Variants in NUDT12 observed in about 807,000 individuals in gnomAD.
The protein encoded by NUDT12 is NAD-capped RNA hydrolase NUDT12.
In NUDT12, 42 loss-of-function variants were observed where a neutral mutation model predicts 45.7. That is an observed-to-expected ratio of 0.92 (90% CI 0.72 to 1.19). The LOEUF (loss-of-function observed/expected upper bound fraction) is 1.19, where lower values mean the gene tolerates loss of function less well. NUDT12 is among the 50% of genes most tolerant of loss of function. The probability of loss-of-function intolerance (pLI) is 0.00; values close to 1 mark genes in which losing one functional copy is unlikely to be tolerated. For synonymous variants in NUDT12, 206 were observed against 179.7 expected (o/e 1.15, Z -1.17); for missense variants, 590 against 533.1 (o/e 1.11, Z -1.05).
intron 3 of NUDT12, among the ~76,000 whole-genome samples, chr5:103,557,934 TAA>T: frequency 6.6e-6 from 1 of 152,176 alleles, no homozygotes; most frequent in South Asian, 2.1e-4. Context: ...TGTCCATTTC[TAA>T]AACTTAGTAT....
chr5:103,554,818 C>T lies in NUDT12; in HGVS notation c.1000G>A (p.Gly334Arg). The T allele has an allele frequency of 6.4e-7, 1 of 1,557,166 alleles. No individual in the cohort carries two copies. The highest frequency in any genetic ancestry group is 8.7e-7 in the Non-Finnish European group (1 of 1,145,538). The change falls in exon 5 of 7, where the codon GGG becomes AGG. Residue 334 changes from glycine to arginine, a missense_variant. Transcript: ENST00000230792. ...TGCCTGCCTAAAAGGCATTTGGTCC[C>T]ATCTGGATGAATAACTTGCATGATT... The part of the protein sequence containing the change: ...VVIMQVIHPD[G>R]TKCLLGRQKR...
At position 103,554,777 on chromosome 5, in the gene NUDT12, TG is replaced by T; in HGVS notation, c.1040del (p.Pro347GlnfsTer17). ...CLLGRQKRFP[P>X]GMFTCLAGFI... is the part of the protein sequence containing the mutation. ...ATCCAGCAAGGCAAGTAAACATGCCTGGGGGAAATCTTTTCTGCCTGCCTAA... is the reference window on the plus strand; with the variant it reads ...ATCCAGCAAGGCAAGTAAACATGCCTGGGGAAATCTTTTCTGCCTGCCTAA... On this transcript the variant is annotated frameshift_variant, in exon 5 of 7. Coordinates refer to ENST00000230792, the MANE Select transcript of NUDT12 (RefSeq NM_031438.4). LOFTEE classifies it high-confidence loss of function. The T allele has an allele frequency of 6.4e-7, 1 of 1,552,268 alleles. No individual in the cohort carries two copies. Among genetic ancestry groups the T allele is most frequent in the South Asian group, 1.2e-5 (1 of 82,690 alleles).
Position 103,559,156 on chromosome 5 carries a change from T to C in NUDT12, c.519A>G (p.Glu173=). ...TGTAGTTCAGCTGACAAAGCCTAAC[T>C]TCTGGCTGTTGGAAACTTTCTTTAT... ...GGNKESFQQP[E]VRLCQLNYTD... Residue 173 remains glutamate (E), a synonymous_variant, in exon 3 of 7, where the codon GAA becomes GAG. Coordinates refer to ENST00000230792, the MANE Select transcript of NUDT12 (RefSeq NM_031438.4). The C allele has an allele frequency of 6.4e-7, 1 of 1,564,246 alleles. No homozygotes were observed. The highest frequency in any genetic ancestry group is 1.2e-5 in the South Asian group (1 of 81,012).
intron 3 of NUDT12, among the ~76,000 whole-genome samples, chr5:103,557,280 G>GGTGTATATATATATATATAT (rs1491335747): frequency 1.7e-5 from 2 of 118,894 alleles, no homozygotes; most frequent in African/African-American, 6.1e-5. Context: ...ATCTTAAAAT[G>GGTGTATATATATATATATAT]ATATATATAT....
rs1748601307 is a variant in NUDT12, at chr5:103,549,994, C to T, written c.*867G>A. The T allele has an allele frequency of 2.0e-5, 3 of 151,990 alleles. No individual in the cohort carries two copies. The highest frequency in any genetic ancestry group is 2.0e-4 in the Admixed American group (3 of 15,232). The allele number at this position is 151,990 out of a possible 1,614,324, so 9.4% of individuals were successfully genotyped here. On this transcript the variant is annotated 3_prime_UTR_variant, in exon 7 of 7. Coordinates refer to ENST00000230792, the MANE Select transcript of NUDT12 (RefSeq NM_031438.4). ...CACTCATCACAAAATGAAATAAAGC[C>T]AATGTTTTAAATTAAATATGTAAAT...
At chr5:103,556,173 A>C in intron 3 of NUDT12, 75 bp from the exon 4 acceptor site, 1 of 1,052,288 alleles carries the variant, frequency 9.5e-7, no homozygotes, top group Non-Finnish European at 1.3e-6. Context: ...AAATGTTCTC[A>C]AGCTACAATA....
In NUDT12 at chr5:103,549,281, T is replaced by A. The variant is rs975586138; in HGVS notation, c.*1580A>T. The A allele has an allele frequency of 6.6e-6, 1 of 152,040 alleles. No homozygotes were observed. The highest frequency in any genetic ancestry group is 2.1e-4 in the South Asian group (1 of 4,830). The allele number at this position is 152,040 out of a possible 1,614,324, so 9.4% of individuals were successfully genotyped here. A position where few individuals can be genotyped will look rare whatever the true frequency, so the allele number is the denominator to read the frequency against. On this transcript the variant is annotated 3_prime_UTR_variant, in exon 7 of 7. Coordinates refer to ENST00000230792, the MANE Select transcript of NUDT12 (RefSeq NM_031438.4). ...AATTTTATTATGTATCTAAATGTCCTCTGTCAGTTTTAATTTGGTTTAAAT... is the reference window on the plus strand; with the variant it reads ...AATTTTATTATGTATCTAAATGTCCACTGTCAGTTTTAATTTGGTTTAAAT...
Position 103,555,923 on chromosome 5 carries a change from G to A in NUDT12, c.964+8C>T, listed in dbSNP as rs772043882. 1 of 1,520,408 alleles carries A rather than the reference G, an allele frequency of 6.6e-7. No individual in the cohort carries two copies. Among genetic ancestry groups the A allele is most frequent in the Admixed American group, 2.0e-5 (1 of 50,696 alleles). 94.2% of individuals were successfully genotyped at this position (1,520,408 alleles called of 1,614,324 possible). ...CCAGGTGGCTGAGATATAAAATAAA[G>A]GGCTTACCAACTCTTGGGTATGAGG... On this transcript the variant is annotated splice_region_variant and intron_variant, in intron 4 of 6. Transcript: ENST00000230792.
chr5:103,560,236 T>G lies in NUDT12; in HGVS notation c.13A>C (p.Lys5Gln), dbSNP rs1394633493. 1 of 1,612,764 alleles carries G rather than the reference T, an allele frequency of 6.2e-7. No homozygotes were observed. Among genetic ancestry groups the G allele is most frequent in the East Asian group, 2.2e-5 (1 of 44,866 alleles). The part of the protein sequence containing the change: MSSV[K>Q]RSLKQEIVTQ... ...ACTATTTCTTGCTTCAGACTTCTTT[T>G]TACAGAAGACATTTCTTCCTTAAAA... Residue 5 changes from lysine to glutamine, a missense_variant, in exon 2 of 7, where the codon AAA (lysine) becomes CAA (glutamine). Lys to Gln is a moderately conservative substitution (Grantham distance 53). Transcript: ENST00000230792.
At chr5:103,556,517 A>C (rs1022273248) in intron 3 of NUDT12, among the ~76,000 whole-genome samples, 8 of 152,010 alleles carry the variant, frequency 5.3e-5, no homozygotes, top group African/African-American at 1.9e-4. Flanking sequence ...TATTACTAGG[A>C]AACTGTAGGA....
At chr5:103,558,106 T>A (rs1748888452) in intron 3 of NUDT12, among the ~76,000 whole-genome samples, 2 of 152,000 alleles carry the variant, frequency 1.3e-5, no homozygotes, top group Non-Finnish European at 2.9e-5. Context: ...TTATTATATA[T>A]CCCATATCCA....
chr5:103,554,035 T>C (rs1320331249), intron 5 of NUDT12, among the ~76,000 whole-genome samples: 1 of 151,994 alleles, frequency 6.6e-6, no homozygotes, highest in African/African-American at 2.4e-5. Context: ...TATGATATGA[T>C]CCTCCTCCAA....
In NUDT12 at chr5:103,560,208, G is replaced by C. The variant is rs764638232; in HGVS notation, c.41C>G (p.Thr14Ser). Residue 14 changes from threonine to serine, a missense_variant, in exon 2 of 7, where the codon ACT (threonine) becomes AGT (serine). Thr to Ser is a moderately conservative substitution (Grantham distance 58). Coordinates refer to ENST00000230792, the MANE Select transcript of NUDT12 (RefSeq NM_031438.4). ...TTCAGCAGCTGAACAGTGAAACTGAGTAACTATTTCTTGCTTCAGACTTCT... is the reference window on the plus strand; with the variant it reads ...TTCAGCAGCTGAACAGTGAAACTGACTAACTATTTCTTGCTTCAGACTTCT... ...VKRSLKQEIV[T>S]QFHCSAAEGD... The C allele has an allele frequency of 6.2e-7, 1 of 1,613,712 alleles. No individual in the cohort carries two copies. The highest frequency in any genetic ancestry group is 1.3e-5 in the African/African-American group (1 of 74,902).
intron 6 of NUDT12, among the ~76,000 whole-genome samples, 192 bp from the exon 7 acceptor site, chr5:103,551,163 A>C (rs1748643932): frequency 6.6e-6 from 1 of 151,670 alleles, no homozygotes; most frequent in Non-Finnish European, 1.5e-5. Flanking sequence ...TCTGCCACCC[A>C]GACTGGAGTT....
In NUDT12 at chr5:103,554,841, AT is replaced by A; in HGVS notation, c.976del (p.Ile326SerfsTer14). On this transcript the variant is annotated frameshift_variant, in exon 5 of 7. Transcript: ENST00000230792. LOFTEE classifies it high-confidence loss of function. ...TSYPRVDPVV[I>X]MQVIHPDGTK... is the part of the protein sequence containing the mutation. ...CCCATCTGGATGAATAACTTGCATGATTACTACTGGATCTGTTGAAAAAAAA... is the reference window on the plus strand; with the variant it reads ...CCCATCTGGATGAATAACTTGCATGATACTACTGGATCTGTTGAAAAAAAA... 1 of 1,487,416 alleles carries A rather than the reference AT, an allele frequency of 6.7e-7. No homozygotes were observed. The highest frequency in any genetic ancestry group is 1.3e-5 in the South Asian group (1 of 78,700). 92.1% of individuals were successfully genotyped at this position (1,487,416 alleles called of 1,614,324 possible).
At chr5:103,560,752 AC>A (rs1360084968) in intron 1 of NUDT12, among the ~76,000 whole-genome samples, 1 of 152,218 alleles carries the variant, frequency 6.6e-6, no homozygotes, top group Non-Finnish European at 1.5e-5. Flanking sequence ...GGGTCAAGAT[AC>A]TTTTTTACCC....
At position 103,556,052 on chromosome 5, in the gene NUDT12, G is replaced by C. The variant is rs200620813; in HGVS notation, c.843C>G (p.Tyr281Ter). Reference sequence around the variant, plus strand: ...CATTTCCACAGGTTGGGCAAAACTTGTATCGACTGTGCCAGGCAAGAACAG... The same window carrying C: ...CATTTCCACAGGTTGGGCAAAACTTCTATCGACTGTGCCAGGCAAGAACAG... ...ARSVLAWHSR[Y>*]KFCPTCGNAT... Residue 281 changes from tyrosine (Y) to a stop codon, truncating the protein, a stop_gained, in exon 4 of 7, where the codon TAC becomes TAG. Transcript: ENST00000230792. LOFTEE classifies it high-confidence loss of function. The C allele has an allele frequency of 1.7e-5, 27 of 1,611,880 alleles. No individual in the cohort carries two copies. The highest frequency in any genetic ancestry group is 1.6e-4 in the Middle Eastern group (1 of 6,078).
chr5:103,552,698 T>C (rs1748695218), intron 5 of NUDT12, among the ~76,000 whole-genome samples: 1 of 152,206 alleles, frequency 6.6e-6, no homozygotes, highest in Non-Finnish European at 1.5e-5. Flanking sequence ...AAATATCCAA[T>C]ACCTAATACT....
chr5:103,552,602 G>C (rs1191874366), intron 5 of NUDT12, among the ~76,000 whole-genome samples, 186 bp from the exon 6 acceptor site: 2 of 152,042 alleles, frequency 1.3e-5, no homozygotes, highest in Admixed American at 6.6e-5. Context: ...ACCACATATA[G>C]AATATCAAAA....
Sources: allele counts gnomAD v4.1 joint callset (sites outside exome capture counted in the v4.1 genomes callset), GRCh38; gene constraint gnomAD v4.1.1; transcripts MANE v1.5; gene names NCBI Gene and HGNC (gene_info 2026-07-23, HGNC 2026-07-21).